PSME4: variants seen among roughly 807,000 people sequenced by gnomAD.
The protein encoded by PSME4 is proteasome activator complex subunit 4.
PSME4 carries 89 observed loss-of-function variants against 253.9 expected under a neutral mutation model. That is an observed-to-expected ratio of 0.35 (90% confidence interval 0.30 to 0.42). The LOEUF is 0.42. Among genes scored for constraint, PSME4 ranks in the 10% least tolerant of loss-of-function variants. PSME4 has a pLI of 1.00. For missense variants in PSME4, 2,014 were observed against 2,195.2 expected (o/e 0.92, Z 1.65); for synonymous variants, 851 against 759.2 (o/e 1.12, Z -1.99).
In PSME4 at chr2:53,901,577, T is replaced by C; in HGVS notation, c.3076-18A>G. ...AAGGCACCCTGCAGAAAAAAAAATATATATATGTTTACATGGGAAATAAGA... is the reference window on the plus strand; with the variant it reads ...AAGGCACCCTGCAGAAAAAAAAATACATATATGTTTACATGGGAAATAAGA... On this transcript the variant is annotated intron_variant, in intron 27 of 46. Coordinates refer to ENST00000404125, the MANE Select transcript of PSME4 (RefSeq NM_014614.3). The C allele has an allele frequency of 1.3e-6, 2 of 1,571,938 alleles. No homozygotes were observed. Among genetic ancestry groups the C allele is most frequent in the Non-Finnish European group, 8.7e-7 (1 of 1,147,772 alleles).
At chr2:53,937,183 T>A (rs1389861876) in intron 5 of PSME4, among the ~76,000 whole-genome samples, 1 of 152,186 alleles carries the variant, frequency 6.6e-6, no homozygotes, top group Non-Finnish European at 1.5e-5. Context: ...TCTTAATTTC[T>A]TAAAGCCCTC....
In PSME4 at chr2:53,948,441, T is replaced by C; in HGVS notation, c.480A>G (p.Leu160=). The C allele has an allele frequency of 6.2e-7, 1 of 1,610,974 alleles. No homozygotes were observed. Among genetic ancestry groups the C allele is most frequent in the East Asian group, 2.2e-5 (1 of 44,832 alleles). ...ERILYSKTEH[L]GLNWFPNSVE... ...CTTACTTAGGAAACCAATTTAATCC[T>C]AGGTGCTCTGTCTTGGAATATAATA... The change falls in exon 3 of 47, where the codon CTA becomes CTG. Residue 160 remains leucine, a synonymous_variant. Transcript: ENST00000404125.
chr2:53,889,236 G>C (rs1328749151), intron 37 of PSME4, among the ~76,000 whole-genome samples: 4 of 152,090 alleles, frequency 2.6e-5, no homozygotes, highest in Admixed American at 2.6e-4. Flanking sequence ...TGGTGGATTG[G>C]TTCCAGAACT....
chr2:53,890,049 G>A, intron 37 of PSME4, 55 bp downstream of exon 37: 1 of 1,300,094 alleles, frequency 7.7e-7, no homozygotes, highest in Non-Finnish European at 1.1e-6. Flanking sequence ...TTGAGAGACA[G>A]TATCAAACAG....
At chr2:53,908,593 G>T (rs1189177565) in intron 22 of PSME4, 28 bp from the exon 23 acceptor site, 2 of 1,568,122 alleles carry the variant, frequency 1.3e-6, no homozygotes, top group East Asian at 2.3e-5. Context: ...AAAGGATTTT[G>T]GTTAAAATAT....
chr2:53,927,342 G>A, intron 12 of PSME4, 52 bp downstream of exon 12: 1 of 1,259,852 alleles, frequency 7.9e-7, no homozygotes, highest in African/African-American at 1.5e-5. Context: ...CTATGCATAT[G>A]CAATAATAAT....
chr2:53,923,299 C>A, intron 15 of PSME4, 22 bp downstream of exon 15: 1 of 1,584,352 alleles, frequency 6.3e-7, no homozygotes, highest in Non-Finnish European at 8.5e-7. Flanking sequence ...ATTAATACAT[C>A]AGTTCAAAAA....
intron 12 of PSME4, among the ~76,000 whole-genome samples, chr2:53,926,489 C>T (rs1668562766): frequency 2.0e-5 from 3 of 152,170 alleles, no homozygotes; most frequent in Admixed American, 6.5e-5. Context: ...GTCTGGCCAA[C>T]ATGGCAAAAC....
intron 20 of PSME4, among the ~76,000 whole-genome samples, chr2:53,913,235 T>C (rs1026099038): frequency 6.6e-6 from 1 of 152,160 alleles, no homozygotes; most frequent in African/African-American, 2.4e-5. Context: ...GTAAAATGTA[T>C]TAAAATATTT....
intron 35 of PSME4, 84 bp from the exon 36 acceptor site, chr2:53,893,044 T>A: frequency 7.7e-7 from 1 of 1,299,776 alleles, no homozygotes; most frequent in Non-Finnish European, 1.0e-6. Flanking sequence ...TGTACATTAC[T>A]AACGTGCTTA....
At chr2:53,890,298 T>C in intron 36 of PSME4, 90 bp from the exon 37 acceptor site, 1 of 838,690 alleles carries the variant, frequency 1.2e-6, no homozygotes, top group African/African-American at 1.7e-5. Flanking sequence ...TGTACACACA[T>C]ACAGGTATAT....
At position 53,949,127 on chromosome 2, in the gene PSME4, C is replaced by A; in HGVS notation, c.383+16G>T. 6.4e-7 allele frequency: 1 copy of A among 1,574,216 alleles called. No individual in the cohort carries two copies. Among genetic ancestry groups the A allele is most frequent in the Non-Finnish European group, 8.6e-7 (1 of 1,160,500 alleles). On this transcript the variant is annotated intron_variant, in intron 2 of 46. Transcript: ENST00000404125. Reference sequence around the variant, plus strand: ...AACAAACAAACCTTAACAGAAACCTCTGGAAAAAGACTTACTTTAACAAGT... The same window carrying A: ...AACAAACAAACCTTAACAGAAACCTATGGAAAAAGACTTACTTTAACAAGT...
Position 53,944,348 on chromosome 2 carries a change from G to C in PSME4, c.500+4073C>G, listed in dbSNP as rs779078546. On this transcript the variant is annotated intron_variant, in intron 3 of 46. Transcript: ENST00000404125. The stretch of plus-strand genomic sequence containing the variant: ...TAATTTTTGTGTTTTTAGTAGAGAT[G>C]GGGGTTTCACCATGTTGGCCAGGCT... Among the ~76,000 whole-genome samples, 231 of 152,000 alleles carry C rather than the reference G, an allele frequency of 1.5e-3. 1 individual carries two copies. The highest frequency in any genetic ancestry group is 5.4e-3 in the African/African-American group (223 of 41,474).
chr2:53,888,070 A>G (rs1297300185), intron 38 of PSME4, 81 bp from the exon 39 acceptor site: 1 of 1,373,782 alleles, frequency 7.3e-7, no homozygotes, highest in Non-Finnish European at 9.6e-7. Context: ...CAATATCTGT[A>G]TTTCACTTAA....
chr2:53,962,719 A>C (rs1670544136), intron 1 of PSME4, among the ~76,000 whole-genome samples: 1 of 152,182 alleles, frequency 6.6e-6, no homozygotes, highest in Admixed American at 6.5e-5. Context: ...ATGTGCACTG[A>C]ATAAAGCACA....
intron 14 of PSME4, 140 bp from the exon 15 acceptor site, chr2:53,923,559 G>C: frequency 8.4e-7 from 1 of 1,192,098 alleles, no homozygotes; most frequent in Non-Finnish European, 1.1e-6. Context: ...GATTTTATAA[G>C]AATTTGTTTA....
At chr2:53,936,061 A>AT (rs765587946) in intron 7 of PSME4, 26 bp downstream of exon 7, 5 of 1,605,574 alleles carry the variant, frequency 3.1e-6, no homozygotes, top group East Asian at 2.3e-5. Context: ...ATGCCTGATA[A>AT]TTTTTTTCCC....
chr2:53,905,347 A>AT (rs1680605801), intron 26 of PSME4, among the ~76,000 whole-genome samples: 1 of 151,950 alleles, frequency 6.6e-6, no homozygotes, highest in Non-Finnish European at 1.5e-5. Context: ...CATTTTAAAC[A>AT]TTACTTTAGA....
chr2:53,931,067 C>A (rs999248701), intron 10 of PSME4, among the ~76,000 whole-genome samples: 2 of 152,164 alleles, frequency 1.3e-5, no homozygotes, highest in African/African-American at 4.8e-5. Context: ...CACCTGAGGT[C>A]AGGAGTTCGA....
Sources: allele counts gnomAD v4.1 joint callset (sites outside exome capture counted in the v4.1 genomes callset), GRCh38; gene constraint gnomAD v4.1.1; transcripts MANE v1.5; gene names NCBI Gene and HGNC (gene_info 2026-07-23, HGNC 2026-07-21).